LITAF: variants seen among roughly 807,000 people sequenced by gnomAD.
LITAF encodes lipopolysaccharide-induced tumor necrosis factor-alpha factor.
A neutral mutation model predicts 14.5 loss-of-function variants in LITAF; 9 were observed. The observed-to-expected ratio is 0.62, with a 90% CI of 0.37 to 1.08. The LOEUF (loss-of-function observed/expected upper bound fraction) is 1.08. Ranked by LOEUF, LITAF falls within the 50% of genes least tolerant of loss-of-function variation. The probability of loss-of-function intolerance (pLI) is 0.01; values close to 1 mark genes in which losing one functional copy is unlikely to be tolerated. For missense variants in LITAF, 206 were observed against 213.4 expected, an observed-to-expected ratio of 0.97 and a Z score of 0.22; for synonymous variants, 98 against 88.2, an observed-to-expected ratio of 1.11 and a Z score of -0.62.
intron 1 of LITAF, among the ~76,000 whole-genome samples, chr16:11,568,288 GAAAAAAAAAAA>G (rs35115784): frequency 1.7e-5 from 2 of 115,802 alleles, no homozygotes; most frequent in Admixed American, 1.9e-4. Context: ...ACCCTGTCTC[GAAAAAAAAAAA>G]AAAAGAAAAG....
At chr16:11,568,247 T>C (rs12919690) in intron 1 of LITAF, among the ~76,000 whole-genome samples, 53,688 of 143,424 alleles carry the variant, frequency 0.37, 9,920 homozygotes, top group East Asian at 0.5. Flanking sequence ...ATGTTTGCAC[T>C]ACTGCACTCC....
intron 3 of LITAF, among the ~76,000 whole-genome samples, chr16:11,623,664 A>G (rs1265062799): frequency 6.6e-6 from 1 of 151,182 alleles, no homozygotes; most frequent in East Asian, 1.9e-4. Context: ...TGTCTCAAAA[A>G]AAAAAAAGGA....
At chr16:11,588,461 C>T (rs1310569513), upstream of LITAF, among the ~76,000 whole-genome samples, 1 of 150,252 alleles carries the variant, frequency 6.7e-6, no homozygotes, top group Non-Finnish European at 1.5e-5. Flanking sequence ...TATAATCGAG[C>T]CACTGCACTG....
chr16:11,599,076 T>G (rs1367943107), upstream of LITAF, among the ~76,000 whole-genome samples: 1 of 151,346 alleles, frequency 6.6e-6, no homozygotes, highest in Non-Finnish European at 1.5e-5. Context: ...CATCTCGGCC[T>G]CCCAAAGTGT....
chr16:11,558,916 T>G lies in LITAF; in HGVS notation c.-5-2181A>C, dbSNP rs28522129. 1.3e-5 allele frequency among the ~76,000 whole-genome samples: 2 copies of G among 152,082 alleles called. No homozygotes were observed. The highest frequency in any genetic ancestry group is 1.5e-5 in the Non-Finnish European group (1 of 68,024). On this transcript the variant is annotated intron_variant, in intron 1 of 3. Transcript: ENST00000622633. This position sits in a 1 kb window ranked among gnomAD's most constrained non-coding sequence, Gnocchi z 4.1. ...AATGCTCTGTATCTGCTGCCCAATA[T>G]AGCAGCCACCAGTCACGTAAGGTTA... is the stretch of plus-strand genomic sequence containing the variant.
At chr16:11,581,357 A>C (rs905709060) in intron 1 of LITAF, among the ~76,000 whole-genome samples, 5 of 152,144 alleles carry the variant, frequency 3.3e-5, no homozygotes, top group Non-Finnish European at 7.4e-5. Flanking sequence ...AAAAAAACAA[A>C]ATTTGAGTGC....
chr16:11,576,050 T>G (rs1818305260), intron 1 of LITAF, among the ~76,000 whole-genome samples: 1 of 152,138 alleles, frequency 6.6e-6, no homozygotes, highest in Non-Finnish European at 1.5e-5. Flanking sequence ...TTAGCTAGTT[T>G]TTTTAATTTT....
intron 1 of LITAF, among the ~76,000 whole-genome samples, chr16:11,564,966 G>A (rs943217411): frequency 2.0e-5 from 3 of 151,032 alleles, no homozygotes; most frequent in Non-Finnish European, 4.4e-5. Flanking sequence ...GAAGTTGATG[G>A]TTGCACAATG....
chr16:11,611,184 A>T (rs1466490409), intron 3 of LITAF, among the ~76,000 whole-genome samples: 1 of 152,052 alleles, frequency 6.6e-6, no homozygotes, highest in African/African-American at 2.4e-5. Context: ...ACAAAAAAAA[A>T]AATTTTTAAT....
At position 11,586,282 on chromosome 16, in the gene LITAF, C is replaced by G. The variant is rs1218295094; in HGVS notation, c.-6+604G>C. 6.6e-6 allele frequency: 1 copy of G among 152,250 alleles called. No individual in the cohort carries two copies. The highest frequency in any genetic ancestry group is 1.9e-4 in the East Asian group (1 of 5,164). 9.4% of individuals were successfully genotyped at this position (152,250 alleles called of 1,614,324 possible). ...CAGGCCTAGGGGCCACGGCCCGCTT[C>G]GCTCTCTGATTTTCACCTCCCCAGG... On this transcript the variant is annotated intron_variant, in intron 1 of 3. Transcript: ENST00000622633. The surrounding 1 kb of genome is among the most constrained non-coding windows in gnomAD (Gnocchi z 6.5).
intron 1 of LITAF, among the ~76,000 whole-genome samples, chr16:11,560,535 AT>A (rs1258751649): frequency 6.6e-6 from 1 of 151,730 alleles, no homozygotes; most frequent in African/African-American, 2.4e-5. Context: ...GCGAGCTGAG[AT>A]CACACCACTG....
At chr16:11,554,612 G>T (rs1233646569) in intron 2 of LITAF, among the ~76,000 whole-genome samples, 1 of 151,926 alleles carries the variant, frequency 6.6e-6, no homozygotes, top group Non-Finnish European at 1.5e-5. Context: ...GGCCAACATG[G>T]TGAAACCCTG....
chr16:11,625,312 G>A (rs2141899200), intron 3 of LITAF, among the ~76,000 whole-genome samples: 1 of 151,588 alleles, frequency 6.6e-6, no homozygotes, highest in East Asian at 1.9e-4. Flanking sequence ...ACCCAGGCTG[G>A]AATGCAGTAG....
At chr16:11,560,861 G>A (rs1413002033) in intron 1 of LITAF, among the ~76,000 whole-genome samples, 1 of 152,176 alleles carries the variant, frequency 6.6e-6, no homozygotes, top group Admixed American at 6.5e-5. Flanking sequence ...ACTGAGACAT[G>A]GTGTAAAGTG....
intron 3 of LITAF, among the ~76,000 whole-genome samples, chr16:11,606,156 A>AT (rs1448839648): frequency 2.6e-5 from 4 of 151,598 alleles, no homozygotes; most frequent in East Asian, 1.9e-4. Context: ...CTGCCCCTGG[A>AT]TTTTTTTTAA....
intron 3 of LITAF, among the ~76,000 whole-genome samples, chr16:11,625,422 C>T (rs1021095844): frequency 6.6e-6 from 1 of 152,042 alleles, no homozygotes; most frequent in Non-Finnish European, 1.5e-5. Flanking sequence ...ACCACCATGC[C>T]AGGCTCATTT....
upstream of LITAF, among the ~76,000 whole-genome samples, chr16:11,599,609 C>T (rs776529060): frequency 6.6e-5 from 10 of 152,152 alleles, no homozygotes; most frequent in Non-Finnish European, 1.0e-4. Flanking sequence ...CAAACCACCC[C>T]CTACCTGAGC....
At chr16:11,607,702 G>A (rs1462441967) in intron 3 of LITAF, among the ~76,000 whole-genome samples, 2 of 152,028 alleles carry the variant, frequency 1.3e-5, no homozygotes, top group Admixed American at 1.3e-4. Flanking sequence ...ATAAATACAG[G>A]CACACATGAA....
upstream of LITAF, among the ~76,000 whole-genome samples, chr16:11,601,425 C>G (rs747808198): frequency 6.6e-6 from 1 of 152,188 alleles, no homozygotes; most frequent in African/African-American, 2.4e-5. Flanking sequence ...TTTCTTCTCT[C>G]TCTTGGCCAC....
Sources: allele counts gnomAD v4.1 joint callset (sites outside exome capture counted in the v4.1 genomes callset), GRCh38; gene constraint gnomAD v4.1.1; non-coding constraint Gnocchi (gnomAD v3.1); transcripts MANE v1.5; gene names NCBI Gene and HGNC (gene_info 2026-07-23, HGNC 2026-07-21).